The following MAGI2 variants were observed in gnomAD, a reference collection of about 807,000 sequenced individuals.
The protein encoded by MAGI2 is membrane-associated guanylate kinase, WW and PDZ domain-containing protein 2.
MAGI2 carries 35 observed loss-of-function variants against 133.3 expected under a neutral mutation model. The ratio of observed to expected loss-of-function variants is 0.26; its 90% CI spans 0.20 to 0.35. The LOEUF is 0.35. Among genes scored for constraint, MAGI2 ranks in the 10% least tolerant of loss-of-function variants. MAGI2 has a pLI of 1.00. For missense variants in MAGI2, 1,636 were observed against 1,863.4 expected (o/e 0.88, Z 2.25); for synonymous variants, 729 against 710.6 (o/e 1.03, Z -0.41).
intron 1 of MAGI2, among the ~76,000 whole-genome samples, chr7:79,074,200 CAA>C (rs1237567514): frequency 3.3e-5 from 5 of 152,046 alleles, no homozygotes; most frequent in Non-Finnish European, 5.9e-5. Context: ...AAATAATAAC[CAA>C]AAAGAGAGTT....
At chr7:79,242,598 G>A (rs139840685) in intron 1 of MAGI2, among the ~76,000 whole-genome samples, 82 of 152,206 alleles carry the variant, frequency 5.4e-4, no homozygotes, top group African/African-American at 1.9e-3. Flanking sequence ...TATGGCACTT[G>A]GATTTGATGG....
chr7:79,426,979 A>C (rs1404533450), intron 1 of MAGI2, among the ~76,000 whole-genome samples: 1 of 152,132 alleles, frequency 6.6e-6, no homozygotes, highest in African/African-American at 2.4e-5. Context: ...CTTTACTTCC[A>C]CCAACTTTAC....
intron 10 of MAGI2, among the ~76,000 whole-genome samples, chr7:78,234,941 G>A (rs1790371718): frequency 6.6e-6 from 1 of 152,106 alleles, no homozygotes; most frequent in Admixed American, 6.6e-5. Flanking sequence ...ATTTATTACA[G>A]TATAGTGGCA....
At chr7:78,403,224 C>A (rs1252993198) in intron 6 of MAGI2, among the ~76,000 whole-genome samples, 1 of 150,926 alleles carries the variant, frequency 6.6e-6, no homozygotes, top group Non-Finnish European at 1.5e-5. Flanking sequence ...TTGTTCAATT[C>A]CCACCTATGA....
chr7:78,804,446 C>T (rs985859981), intron 2 of MAGI2, among the ~76,000 whole-genome samples: 55 of 148,754 alleles, frequency 3.7e-4, no homozygotes, highest in Non-Finnish European at 7.9e-4. Context: ...CTAAACTAAA[C>T]TAAAAAAAAA....
chr7:78,871,492 T>TA (rs1445950917), intron 2 of MAGI2, among the ~76,000 whole-genome samples: 1 of 152,078 alleles, frequency 6.6e-6, no homozygotes, highest in Admixed American at 6.5e-5. Flanking sequence ...ACTGTTGAAA[T>TA]AAAAGTATTT....
At chr7:78,794,707 T>A (rs1787457267) in intron 2 of MAGI2, among the ~76,000 whole-genome samples, 3 of 152,162 alleles carry the variant, frequency 2.0e-5, no homozygotes, top group Non-Finnish European at 4.4e-5. Flanking sequence ...TATATTTGTA[T>A]CTTATTTTCT....
At chr7:78,306,063 C>T (rs539293590) in intron 9 of MAGI2, among the ~76,000 whole-genome samples, 6 of 152,114 alleles carry the variant, frequency 3.9e-5, no homozygotes, top group Non-Finnish European at 8.8e-5. Flanking sequence ...CATTGCAAGT[C>T]GTTGTTGTGG....
chr7:78,382,138 C>A (rs1794978911), intron 6 of MAGI2, among the ~76,000 whole-genome samples: 1 of 151,952 alleles, frequency 6.6e-6, no homozygotes, highest in South Asian at 2.1e-4. Flanking sequence ...TCTCTATGAT[C>A]TGATATGTGG....
intron 2 of MAGI2, chr7:78,947,030 T>C (rs1801472090): frequency 6.6e-6 from 1 of 152,086 alleles, no homozygotes; most frequent in Non-Finnish European, 1.5e-5. Flanking sequence ...GGCTATGGTT[T>C]TGATAAAAGA....
chr7:78,855,966 A>G (rs373751115), intron 2 of MAGI2, among the ~76,000 whole-genome samples: 2 of 152,260 alleles, frequency 1.3e-5, no homozygotes. Context: ...GTGAGATGGT[A>G]TCTCATTGTG....
At chr7:78,956,691 G>T (rs1287299211) in intron 2 of MAGI2, among the ~76,000 whole-genome samples, 2 of 152,144 alleles carry the variant, frequency 1.3e-5, no homozygotes, top group Admixed American at 6.6e-5. Flanking sequence ...GGTCATATTT[G>T]TAAAACAAAG....
intron 2 of MAGI2, among the ~76,000 whole-genome samples, chr7:78,779,243 C>T (rs13308578): frequency 0.41 from 62,798 of 151,680 alleles, 13,268 homozygotes; most frequent in Non-Finnish European, 0.47. Flanking sequence ...CACCAAACAG[C>T]AACTTTTTTT....
intron 2 of MAGI2, among the ~76,000 whole-genome samples, chr7:78,803,492 T>A (rs917106343): frequency 1.6e-4 from 24 of 152,086 alleles, no homozygotes; most frequent in African/African-American, 5.3e-4. Context: ...TATTTATTTT[T>A]TTTTTTTGCA....
At chr7:78,229,486 A>C (rs1382626308) in intron 10 of MAGI2, among the ~76,000 whole-genome samples, 1 of 152,206 alleles carries the variant, frequency 6.6e-6, no homozygotes, top group East Asian at 1.9e-4. Flanking sequence ...AAGAAACCAC[A>C]TACTGGGCTC....
At chr7:79,054,485 A>C (rs1812962576) in intron 1 of MAGI2, among the ~76,000 whole-genome samples, 2 of 152,128 alleles carry the variant, frequency 1.3e-5, no homozygotes, top group South Asian at 4.1e-4. Context: ...GTTCAAAACA[A>C]ACTTGTTTCC....
intron 9 of MAGI2, among the ~76,000 whole-genome samples, chr7:78,298,167 G>A (rs768442144): frequency 6.6e-5 from 10 of 151,988 alleles, no homozygotes; most frequent in Non-Finnish European, 1.3e-4. Flanking sequence ...TCAAATTGGG[G>A]AGCATTCTAC....
At position 79,140,638 on chromosome 7, in the gene MAGI2, C is replaced by T. The variant is rs76433576; in HGVS notation, c.302-133432G>A. On this transcript the variant is annotated intron_variant, in intron 1 of 21. Coordinates refer to ENST00000354212, the MANE Select transcript of MAGI2 (RefSeq NM_012301.4). ...AAAATAGCACAATGATTGTAGGTTT[C>T]TTCCAGAGTCTTCAATCTAAACATC... Among the ~76,000 whole-genome samples, 690 of 152,234 alleles carry T rather than the reference C, an allele frequency of 4.5e-3. 4 individuals are homozygous for T. The highest frequency in any genetic ancestry group is 0.016 in the African/African-American group (644 of 41,536).
At chr7:78,700,633 C>G (rs1817970848) in intron 2 of MAGI2, among the ~76,000 whole-genome samples, 1 of 151,956 alleles carries the variant, frequency 6.6e-6, no homozygotes, top group Non-Finnish European at 1.5e-5. Context: ...AGTATACCTA[C>G]CATATATATT....
Sources: gnomAD v4.1 joint callset for allele counts (sites outside exome capture counted in the v4.1 genomes callset) on GRCh38, gnomAD v4.1.1 for gene constraint, MANE v1.5 for transcripts, NCBI Gene and HGNC (gene_info 2026-07-23, HGNC 2026-07-21) for gene names.